The following CREB5 variants were observed in gnomAD, a reference collection of about 807,000 sequenced individuals.
CREB5 encodes the protein cAMP responsive element binding protein 5.
Under a neutral mutation model 57.1 loss-of-function variants are expected in CREB5, and 19 were observed. That is an observed-to-expected ratio of 0.33 (90% confidence interval 0.23 to 0.49). The LOEUF (loss-of-function observed/expected upper bound fraction) is 0.49. Among genes scored for constraint, CREB5 ranks in the 20% least tolerant of loss-of-function variants. The pLI is 0.99. For synonymous variants in CREB5, 238 were observed against 238.3 expected (o/e 1.00, Z 0.01); for missense variants, 579 against 671.6 (o/e 0.86, Z 1.52).
chr7:28,587,303 T>C (rs931238128), intron 5 of CREB5, among the ~76,000 whole-genome samples: 64 of 152,322 alleles, frequency 4.2e-4, no homozygotes, highest in African/African-American at 1.5e-3. Flanking sequence ...GCACCTTTTA[T>C]GTAAAATCAG....
At chr7:28,818,221 T>C (rs1178302621) in intron 10 of CREB5, 42 bp downstream of exon 10, 7 of 1,423,536 alleles carry the variant, frequency 4.9e-6, no homozygotes, top group Non-Finnish European at 6.9e-6. Flanking sequence ...TGTCCAATAT[T>C]TTTTGCCACT....
At chr7:28,465,653 A>G (rs1790532439) in intron 1 of CREB5, among the ~76,000 whole-genome samples, 2 of 152,186 alleles carry the variant, frequency 1.3e-5, no homozygotes, top group South Asian at 4.1e-4. Flanking sequence ...CAGATTCGTC[A>G]TTGGCCAAAT....
chr7:28,529,453 AT>A (rs1394714819), intron 4 of CREB5, among the ~76,000 whole-genome samples: 4 of 152,162 alleles, frequency 2.6e-5, no homozygotes, highest in Non-Finnish European at 5.9e-5. Flanking sequence ...TTTATCAAAA[AT>A]TTTTCCATGA....
intron 5 of CREB5, among the ~76,000 whole-genome samples, chr7:28,716,560 T>C (rs1044695021): frequency 6.6e-6 from 1 of 152,214 alleles, no homozygotes; most frequent in Non-Finnish European, 1.5e-5. Flanking sequence ...AGTGAATCTT[T>C]CTCATTATGG....
chr7:28,584,536 T>C (rs1796241972), intron 5 of CREB5, among the ~76,000 whole-genome samples: 1 of 152,044 alleles, frequency 6.6e-6, no homozygotes, highest in Non-Finnish European at 1.5e-5. Context: ...ACGCCAGGGA[T>C]TGCCAGCCAC....
Position 28,301,233 on chromosome 7 carries a change from T to C in CREB5, c.-25+1792T>C, listed in dbSNP as rs187406007. Among the ~76,000 whole-genome samples the C allele has an allele frequency of 6.7e-3, 1,028 of 152,314 alleles. 12 individuals carry two copies. Among genetic ancestry groups the C allele is most frequent in the African/African-American group, 0.024 (980 of 41,582 alleles). Reference sequence around the variant, plus strand: ...AGCTGTCCTTGGATTGTGGTCAACCTGTCTGGCAGGGATTTTCATGCGTTT... The same window carrying C: ...AGCTGTCCTTGGATTGTGGTCAACCCGTCTGGCAGGGATTTTCATGCGTTT... On this transcript the variant is annotated intron_variant, in intron 1 of 9. Transcript: ENST00000396299.
At chr7:28,732,856 TC>T (rs962226127) in intron 7 of CREB5, among the ~76,000 whole-genome samples, 2 of 151,684 alleles carry the variant, frequency 1.3e-5, no homozygotes, top group African/African-American at 4.8e-5. Context: ...TTTTTTTTTT[TC>T]TTAAAACCCA....
intron 1 of CREB5, among the ~76,000 whole-genome samples, chr7:28,362,089 A>T (rs887909029): frequency 6.6e-6 from 1 of 152,234 alleles, no homozygotes; most frequent in African/African-American, 2.4e-5. Context: ...TGATTTAAGC[A>T]AATTCTCAGA....
intron 1 of CREB5, among the ~76,000 whole-genome samples, chr7:28,423,351 C>T (rs775493802): frequency 4.6e-5 from 7 of 152,214 alleles, no homozygotes; most frequent in Non-Finnish European, 7.3e-5. Flanking sequence ...CACAGTCCCA[C>T]TCCTCATAGA....
chr7:28,539,241 C>G (rs1234900822), intron 4 of CREB5, among the ~76,000 whole-genome samples: 1 of 152,188 alleles, frequency 6.6e-6, no homozygotes, highest in Non-Finnish European at 1.5e-5. Flanking sequence ...AGTAAATACT[C>G]AGGAACTGTT....
chr7:28,732,421 G>A (rs1165263520), intron 7 of CREB5, among the ~76,000 whole-genome samples: 3 of 152,048 alleles, frequency 2.0e-5, no homozygotes, highest in African/African-American at 7.2e-5. Context: ...TATGGTTTGG[G>A]TCAGAACACC....
At chr7:28,356,716 C>A (rs1254896524) in intron 1 of CREB5, among the ~76,000 whole-genome samples, 1 of 152,178 alleles carries the variant, frequency 6.6e-6, no homozygotes, top group Non-Finnish European at 1.5e-5. Context: ...ACAGGCTGCC[C>A]CTGGTGTGTG....
intron 2 of CREB5, among the ~76,000 whole-genome samples, chr7:28,491,440 A>T (rs1791804047): frequency 6.6e-6 from 1 of 152,122 alleles, no homozygotes; most frequent in South Asian, 2.1e-4. Context: ...GTCCATTTTG[A>T]ATGACCTTGA....
At chr7:28,679,912 G>A (rs1800505837) in intron 5 of CREB5, among the ~76,000 whole-genome samples, 1 of 152,196 alleles carries the variant, frequency 6.6e-6, no homozygotes, top group South Asian at 2.1e-4. Context: ...GAAGAGTCTA[G>A]TCTGTTGCAG....
chr7:28,536,354 C>G (rs1221189094), intron 4 of CREB5, among the ~76,000 whole-genome samples: 1 of 152,176 alleles, frequency 6.6e-6, no homozygotes, highest in Non-Finnish European at 1.5e-5. Context: ...CCCACTCTAT[C>G]ATGAGGTAAG....
At chr7:28,667,526 A>G (rs1799872535) in intron 5 of CREB5, among the ~76,000 whole-genome samples, 2 of 152,052 alleles carry the variant, frequency 1.3e-5, no homozygotes, top group Admixed American at 6.6e-5. Context: ...ATATGAATAA[A>G]TCTGCCCAAA....
At chr7:28,566,417 T>C (rs1041859511) in intron 4 of CREB5, among the ~76,000 whole-genome samples, 1 of 152,256 alleles carries the variant, frequency 6.6e-6, no homozygotes, top group African/African-American at 2.4e-5. Context: ...GGTCTTTCCC[T>C]GCATATTGAC....
intron 5 of CREB5, among the ~76,000 whole-genome samples, chr7:28,712,196 T>G (rs566856849): frequency 6.6e-6 from 1 of 152,168 alleles, no homozygotes; most frequent in South Asian, 2.1e-4. Flanking sequence ...GTCTTTCTGT[T>G]TAACCTTCTA....
chr7:28,765,292 T>G lies in CREB5; in HGVS notation c.703-38907T>G, dbSNP rs570393040. ...TTCTTGAACACAATCTAGACCTTGG[T>G]GCAAGGTCAGAAACATAAGAGTCTG... On this transcript the variant is annotated intron_variant, in intron 7 of 10. Coordinates refer to ENST00000357727, the MANE Select transcript of CREB5 (RefSeq NM_182898.4). 3.3e-5 allele frequency among the ~76,000 whole-genome samples: 5 copies of G among 152,348 alleles called. No homozygotes were observed. In the East Asian group the frequency reaches 9.6e-4, roughly 29 times the overall value.
Sources: allele counts gnomAD v4.1 joint callset (sites outside exome capture counted in the v4.1 genomes callset), GRCh38; gene constraint gnomAD v4.1.1; transcripts MANE v1.5; gene names NCBI Gene and HGNC (gene_info 2026-07-23, HGNC 2026-07-21).